RYR2: variants seen among roughly 807,000 people sequenced by gnomAD.
RYR2 encodes cardiac muscle ryanodine receptor-calcium release channel.
A neutral mutation model predicts 601.1 loss-of-function variants in RYR2; 227 were observed. The observed-to-expected ratio is 0.38, with a 90% confidence interval of 0.34 to 0.42. The LOEUF (loss-of-function observed/expected upper bound fraction) is 0.42, where lower values mean the gene tolerates loss of function less well. Among genes scored for constraint, RYR2 ranks in the 10% least tolerant of loss-of-function variants. The probability of loss-of-function intolerance (pLI) is 1.00; values close to 1 mark genes in which losing one functional copy is unlikely to be tolerated. For synonymous variants in RYR2, 2,223 were observed against 2,175.1 expected (o/e 1.02, Z -0.61); for missense variants, 4,646 against 6,156.5 (o/e 0.75, Z 8.21).
At chr1:237,470,409 G>C (rs926880719) in intron 17 of RYR2, among the ~76,000 whole-genome samples, 1 of 152,042 alleles carries the variant, frequency 6.6e-6, no homozygotes, top group African/African-American at 2.4e-5. Flanking sequence ...TTAAGTCACA[G>C]AGAAAAATTT....
chr1:237,430,266 T>C (rs954115487), intron 12 of RYR2, among the ~76,000 whole-genome samples: 3 of 151,288 alleles, frequency 2.0e-5, no homozygotes, highest in Non-Finnish European at 4.4e-5. Flanking sequence ...TCTGGAGATA[T>C]GTATAACAAT....
intron 1 of RYR2, among the ~76,000 whole-genome samples, chr1:237,119,555 C>A (rs577780209): frequency 3.9e-5 from 6 of 152,148 alleles, no homozygotes; most frequent in Non-Finnish European, 8.8e-5. Context: ...GTCAGATGGG[C>A]CGTTCAGGTT....
chr1:237,490,272 C>T (rs1449233914), intron 17 of RYR2, among the ~76,000 whole-genome samples: 1 of 152,172 alleles, frequency 6.6e-6, no homozygotes, highest in Non-Finnish European at 1.5e-5. Context: ...TACTGCAAAC[C>T]TCAGCATTAT....
Position 237,759,867 on chromosome 1 carries a change from C to T in RYR2, c.11402+15C>T. 6.4e-7 allele frequency: 1 copy of T among 1,557,402 alleles called. No individual in the cohort carries two copies. ...CAGTCATGTAGGTAAGGACTCACTT[C>T]CTTCTTGGGGGTTCTACTCAGTGGT... On this transcript the variant is annotated intron_variant, in intron 83 of 104. Transcript: ENST00000366574.
At chr1:237,570,743 G>T (rs1272001308) in intron 29 of RYR2, among the ~76,000 whole-genome samples, 2 of 152,138 alleles carry the variant, frequency 1.3e-5, no homozygotes, top group East Asian at 3.9e-4. Context: ...GACAGTGCAG[G>T]TAGCGAATAT....
intron 1 of RYR2, among the ~76,000 whole-genome samples, chr1:237,072,947 C>CAAAAAAAAAAA: frequency 9.6e-6 from 1 of 104,204 alleles, no homozygotes. Flanking sequence ...GACTCCATCT[C>CAAAAAAAAAAA]AAAAAAAAAA....
chr1:237,511,835 A>C, intron 24 of RYR2, 44 bp downstream of exon 24: 24 of 311,128 alleles, frequency 7.7e-5, no homozygotes, highest in Middle Eastern at 1.0e-3. Flanking sequence ...GCCTTCCCTG[A>C]AAAAAAAAAA....
intron 1 of RYR2, among the ~76,000 whole-genome samples, chr1:237,219,984 T>C (rs570908302): frequency 1.3e-5 from 2 of 152,232 alleles, no homozygotes; most frequent in Non-Finnish European, 2.9e-5. Flanking sequence ...TGCATGCAAG[T>C]ACTTTTAGCT....
chr1:237,285,733 C>G (rs956850412), intron 2 of RYR2, among the ~76,000 whole-genome samples: 2 of 152,100 alleles, frequency 1.3e-5, no homozygotes, highest in African/African-American at 4.8e-5. Context: ...GGGTATCTAA[C>G]TCCTCCTGAT....
At chr1:237,194,909 C>T (rs651028) in intron 1 of RYR2, among the ~76,000 whole-genome samples, 75,537 of 151,924 alleles carry the variant, frequency 0.5, 20,213 homozygotes, top group Non-Finnish European at 0.59. Context: ...TTACCTGAAC[C>T]GCAGTTTCTT....
Position 237,687,502 on chromosome 1 carries a change from T to C in RYR2, c.9065T>C (p.Phe3022Ser), listed in dbSNP as rs1686532751. 1 of 1,608,092 alleles carries C rather than the reference T, an allele frequency of 6.2e-7. No homozygotes were observed. Among genetic ancestry groups the C allele is most frequent in the Non-Finnish European group, 8.5e-7 (1 of 1,175,810 alleles). Residue 3022 changes from phenylalanine to serine, a missense_variant and splice_region_variant, in exon 63 of 105, where the codon TTT becomes TCT. Phe to Ser is a radical substitution (Grantham distance 155, BLOSUM62 -2). Transcript: ENST00000366574. ...GVLVRHRISL[F>S]GNDATSIVNC... ...CTTGTCAGGCATAGGATTTCACTATTTGGTAAGGAGACCCTTGAAAAAATA... is the reference window on the plus strand; with the variant it reads ...CTTGTCAGGCATAGGATTTCACTATCTGGTAAGGAGACCCTTGAAAAAATA...
intron 21 of RYR2, among the ~76,000 whole-genome samples, chr1:237,501,822 GGACTGGACCT>G (rs1163965693): frequency 6.6e-6 from 1 of 151,222 alleles, no homozygotes; most frequent in Non-Finnish European, 1.5e-5. Flanking sequence ...TTATTTTTTT[GGACTGGACCT>G]GATACACAAA....
chr1:237,575,491 G>A (rs891072984), intron 29 of RYR2, among the ~76,000 whole-genome samples: 1 of 151,982 alleles, frequency 6.6e-6, no homozygotes, highest in African/African-American at 2.4e-5. Flanking sequence ...ACATTAGTTG[G>A]GGGACAAGAA....
chr1:237,754,635 A>G (rs1264502194), intron 80 of RYR2, among the ~76,000 whole-genome samples: 2 of 152,222 alleles, frequency 1.3e-5, no homozygotes, highest in East Asian at 1.9e-4. Context: ...CTCTCTCACA[A>G]AAGGAGCTGG....
At chr1:237,756,439 T>C (rs1354634638) in intron 81 of RYR2, 52 bp downstream of exon 81, 2 of 1,244,266 alleles carry the variant, frequency 1.6e-6, no homozygotes, top group African/African-American at 3.0e-5. Context: ...GATTTCCTCG[T>C]TGCTCTCAAG....
At chr1:237,098,335 A>G (rs1235546836) in intron 1 of RYR2, among the ~76,000 whole-genome samples, 1 of 151,996 alleles carries the variant, frequency 6.6e-6, no homozygotes, top group Admixed American at 6.6e-5. Flanking sequence ...AATCTTTACT[A>G]TAATCAAGCC....
intron 1 of RYR2, among the ~76,000 whole-genome samples, chr1:237,229,788 T>A (rs1166511144): frequency 6.6e-6 from 1 of 152,158 alleles, no homozygotes; most frequent in East Asian, 1.9e-4. Context: ...TAAACTGAAG[T>A]ATATCGTGCC....
At chr1:237,519,859 T>G (rs1225159359) in intron 24 of RYR2, among the ~76,000 whole-genome samples, 1 of 152,196 alleles carries the variant, frequency 6.6e-6, no homozygotes, top group Non-Finnish European at 1.5e-5. Flanking sequence ...AATTTATGGA[T>G]TGCTTTGGGC....
chr1:237,718,187 CA>C (rs1232711864), intron 72 of RYR2, among the ~76,000 whole-genome samples: 4 of 152,106 alleles, frequency 2.6e-5, no homozygotes, highest in Non-Finnish European at 5.9e-5. Flanking sequence ...CCCAAGAAAA[CA>C]TGCTATGCCC....
Sources: allele counts gnomAD v4.1 joint callset (sites outside exome capture counted in the v4.1 genomes callset), GRCh38; gene constraint gnomAD v4.1.1; transcripts MANE v1.5; gene names NCBI Gene and HGNC (gene_info 2026-07-23, HGNC 2026-07-21).